ATPAF1: variants seen among roughly 807,000 people sequenced by gnomAD.
ATPAF1 encodes the protein homolog of yeast ATP11.
ATPAF1 carries 26 observed loss-of-function variants against 43.9 expected under a neutral mutation model. That is an observed-to-expected ratio of 0.59 (90% CI 0.43 to 0.82). The LOEUF is 0.82. ATPAF1 is among the 40% of genes least tolerant of loss of function. ATPAF1 has a pLI of 0.00. For missense variants in ATPAF1, 366 were observed against 435.0 expected (o/e 0.84, Z 1.41); for synonymous variants, 157 against 168.0 (o/e 0.93, Z 0.50).
chr1:46,641,716 T>C (rs995087896), intron 8 of ATPAF1, among the ~76,000 whole-genome samples: 5 of 152,158 alleles, frequency 3.3e-5, no homozygotes, highest in African/African-American at 1.2e-4. Context: ...CTTGAAACAT[T>C]CAATTTTAGC....
At position 46,653,696 on chromosome 1, in the gene ATPAF1, C is replaced by T; in HGVS notation, c.540+121G>A. 1.2e-6 allele frequency: 1 copy of T among 826,778 alleles called. No individual in the cohort carries two copies. Among genetic ancestry groups the T allele is most frequent in the Non-Finnish European group, 1.9e-6 (1 of 528,338 alleles). 51.2% of individuals were successfully genotyped at this position (826,778 alleles called of 1,614,324 possible). A position where few individuals can be genotyped will look rare whatever the true frequency, so the allele number is the denominator to read the frequency against. Reference sequence around the variant, plus strand: ...CAGGGCATAATAAAAACTCTCAGGGCTGTAAAATGCAGCTTCTCAAGAGGC... The same window carrying T: ...CAGGGCATAATAAAAACTCTCAGGGTTGTAAAATGCAGCTTCTCAAGAGGC... On this transcript the variant is annotated intron_variant, in intron 5 of 8. Coordinates refer to ENST00000574428, the Ensembl canonical transcript of ATPAF1. This position sits in a 1 kb window ranked among gnomAD's most constrained non-coding sequence, Gnocchi z 4.8.
At chr1:46,663,767 T>C in intron 2 of ATPAF1, 1 of 945,856 alleles carries the variant, frequency 1.1e-6, no homozygotes. Context: ...ATTTTCCAAG[T>C]AAAATAAACA....
chr1:46,658,588 T>C (rs1569629493), intron 3 of ATPAF1, 99 bp downstream of exon 3: 2 of 859,730 alleles, frequency 2.3e-6, no homozygotes, highest in Non-Finnish European at 3.6e-6. Flanking sequence ...TTACACAAAA[T>C]CACTGAGCCA....
At chr1:46,649,802 T>C (rs1400603335) in intron 6 of ATPAF1, among the ~76,000 whole-genome samples, 1 of 151,958 alleles carries the variant, frequency 6.6e-6, no homozygotes, top group Non-Finnish European at 1.5e-5. Context: ...GGTGCATGTT[T>C]GTAATCCCAG....
At chr1:46,663,622 A>G (rs1315671748) in intron 2 of ATPAF1, among the ~76,000 whole-genome samples, 1 of 139,978 alleles carries the variant, frequency 7.1e-6, no homozygotes, top group African/African-American at 2.5e-5. Context: ...CCACTTTTTG[A>G]TGGGGTTTTT....
At chr1:46,640,661 A>AAC (rs1335613152) in intron 8 of ATPAF1, among the ~76,000 whole-genome samples, 2 of 152,064 alleles carry the variant, frequency 1.3e-5, no homozygotes, top group South Asian at 2.1e-4. Flanking sequence ...CAAACAAACA[A>AAC]AAAAAGAGTT....
rs983253351 is a variant in ATPAF1, at chr1:46,635,720, G to C, written c.*56C>G. On this transcript the variant is annotated 3_prime_UTR_variant, in exon 9 of 9. Coordinates refer to ENST00000574428, the Ensembl canonical transcript of ATPAF1. ...GCTCTTGAGTTCCTGAGGAGGGGGT[G>C]GGCTCTAGACTATCGAGGGCTGAGT... is the stretch of plus-strand genomic sequence containing the variant. 10 of 1,500,328 alleles carry C rather than the reference G, an allele frequency of 6.7e-6. No individual in the cohort carries two copies. The Admixed American group carries it at 7.9e-5, about 12-fold the overall frequency. 92.9% of individuals were successfully genotyped at this position (1,500,328 alleles called of 1,614,324 possible).
At chr1:46,635,607 G>A in exon 9 of ATPAF1, 1 of 610,112 alleles carries the variant, frequency 1.6e-6, no homozygotes, top group Non-Finnish European at 2.8e-6. Flanking sequence ...CTTTGTTCCT[G>A]AATATCAAGT....
intron 6 of ATPAF1, among the ~76,000 whole-genome samples, chr1:46,647,469 CTGAA>C (rs1676065178): frequency 6.6e-6 from 1 of 151,436 alleles, no homozygotes; most frequent in Non-Finnish European, 1.5e-5. Context: ...CCTTTTACTG[CTGAA>C]TATTATTCCA....
chr1:46,650,810 TAAA>T (rs762613823), intron 6 of ATPAF1, among the ~76,000 whole-genome samples: 1 of 122,188 alleles, frequency 8.2e-6, no homozygotes. Context: ...TGTTGGAAGC[TAAA>T]AAAAAAAAAA....
At chr1:46,652,236 T>C (rs1293896641) in intron 6 of ATPAF1, among the ~76,000 whole-genome samples, 1 of 147,698 alleles carries the variant, frequency 6.8e-6, no homozygotes, top group Non-Finnish European at 1.5e-5. Flanking sequence ...GTTGAAAAGA[T>C]TAAGGTCTCA....
downstream of ATPAF1, chr1:46,633,540 C>T (rs1449595272): frequency 2.7e-6 from 1 of 369,408 alleles, no homozygotes; most frequent in Non-Finnish European, 5.1e-6. Context: ...CTTTCTATAA[C>T]ACCATGCTAG....
chr1:46,634,623 A>C (rs974973861), downstream of ATPAF1: 2 of 152,304 alleles, frequency 1.3e-5, no homozygotes, highest in Non-Finnish European at 2.9e-5. Flanking sequence ...TCTCAGGAAA[A>C]AAAGAAAGAG....
intron 7 of ATPAF1, 36 bp from the exon 8 acceptor site, chr1:46,643,337 TA>T: frequency 1.3e-6 from 2 of 1,512,734 alleles, no homozygotes; most frequent in Non-Finnish European, 1.8e-6. Context: ...CTCAATAAGG[TA>T]CCATCACAAC....
At chr1:46,658,720 T>C (rs759221069) in exon 3 of ATPAF1, 11 of 1,602,750 alleles carry the variant, frequency 6.9e-6, no homozygotes, top group Middle Eastern at 3.3e-4. Context: ...TCACAGACTG[T>C]TTCCCCAAGG....
chr1:46,641,236 G>A (rs574233587), intron 8 of ATPAF1, among the ~76,000 whole-genome samples: 2 of 149,214 alleles, frequency 1.3e-5, no homozygotes, highest in Non-Finnish European at 3.0e-5. Context: ...ATGCCACCAC[G>A]CCTGGCTAAT....
chr1:46,657,794 G>A (rs1468633260), intron 4 of ATPAF1, among the ~76,000 whole-genome samples: 1 of 152,040 alleles, frequency 6.6e-6, no homozygotes, highest in African/African-American at 2.4e-5. Context: ...CTCAGTTGAT[G>A]AGAATATTAT....
intron 2 of ATPAF1, among the ~76,000 whole-genome samples, chr1:46,663,218 T>C (rs1324717971): frequency 2.0e-5 from 3 of 152,216 alleles, no homozygotes; most frequent in Non-Finnish European, 2.9e-5. Context: ...GTCTTTGCTA[T>C]TGTGAATAGT....
At chr1:46,658,777 C>T in intron 2 of ATPAF1, 40 bp from the exon 3 acceptor site, 11 of 1,458,318 alleles carry the variant, frequency 7.5e-6, no homozygotes, top group Non-Finnish European at 9.2e-6. Flanking sequence ...ACACTTTACT[C>T]ATAAGAAAAA....
Sources: gnomAD v4.1 joint callset for allele counts (sites outside exome capture counted in the v4.1 genomes callset) on GRCh38, gnomAD v4.1.1 for gene constraint, Gnocchi (gnomAD v3.1) non-coding constraint, MANE v1.5 for transcripts, NCBI Gene and HGNC (gene_info 2026-07-23, HGNC 2026-07-21) for gene names.